Variants in SH3BP5L observed in about 807,000 individuals in gnomAD.
SH3BP5L encodes the protein SH3 domain-binding protein 5-like.
Under a neutral mutation model 40.9 loss-of-function variants are expected in SH3BP5L, and 16 were observed. The observed-to-expected ratio is 0.39, with a 90% CI of 0.27 to 0.59. The LOEUF (loss-of-function observed/expected upper bound fraction) is 0.59, where lower values mean the gene tolerates loss of function less well. SH3BP5L is among the 20% of genes least tolerant of loss of function. The pLI is 0.53. For synonymous variants in SH3BP5L, 229 were observed against 226.7 expected (o/e 1.01, Z -0.09); for missense variants, 471 against 544.6 (o/e 0.86, Z 1.35).
At chr1:248,816,455 C>T in intron 4 of SH3BP5L, 79 bp downstream of exon 4, 1 of 1,584,376 alleles carries the variant, frequency 6.3e-7, no homozygotes, top group Non-Finnish European at 8.6e-7. Flanking sequence ...TGTTTTGTCT[C>T]TCACTCCATA....
rs578097256 is a variant in SH3BP5L, at chr1:248,812,687, C to T, written c.711+302G>A. Among the ~76,000 whole-genome samples, 18 of 152,280 alleles carry T rather than the reference C, an allele frequency of 1.2e-4. No individual in the cohort carries two copies. The highest frequency in any genetic ancestry group is 4.1e-4 in the African/African-American group (17 of 41,558). On this transcript the variant is annotated intron_variant, in intron 6 of 6. Coordinates refer to ENST00000366472, the MANE Select transcript of SH3BP5L (RefSeq NM_030645.3). This position sits in a 1 kb window ranked among gnomAD's most constrained non-coding sequence, Gnocchi z 6.1. ...GCTTCCTCATCCTCTCCCCACTGTT[C>T]CCTTTCACCCAATGGCTGGTTCTTC...
At position 248,824,796 on chromosome 1, in the gene SH3BP5L, T is replaced by A. The variant is rs776590152; in HGVS notation, c.140A>T (p.Lys47Ile). The A allele has an allele frequency of 6.2e-7, 1 of 1,614,106 alleles. No individual in the cohort carries two copies. The highest frequency in any genetic ancestry group is 1.1e-5 in the South Asian group (1 of 91,084). The change falls in exon 2 of 7, where the codon AAA becomes ATA. Residue 47 changes from lysine (K) to isoleucine (I), a missense_variant. Lys to Ile is a moderately radical substitution (Grantham distance 102). Around this residue, in one of 2 missense-constraint regions of SH3BP5L, gnomAD observed 275 missense variants for 370.1 expected, o/e 0.74. Coordinates refer to ENST00000366472, the MANE Select transcript of SH3BP5L (RefSeq NM_030645.3). ...GGGGSSSSEA[K>I]LSPREEEELD... is the part of the protein sequence containing the mutation. Reference sequence around the variant, plus strand: ...TTCTTCCTCCTCTCTTGGGGACAATTTGGCCTCACTGCTGCTGCTTCCACC... The same window carrying A: ...TTCTTCCTCCTCTCTTGGGGACAATATGGCCTCACTGCTGCTGCTTCCACC...
intron 2 of SH3BP5L, among the ~76,000 whole-genome samples, chr1:248,817,883 G>A (rs1219531181): frequency 6.6e-6 from 1 of 152,070 alleles, no homozygotes. Flanking sequence ...AAGAACAAAG[G>A]GCCAAGGAAC....
chr1:248,822,883 C>G (rs905893473), intron 2 of SH3BP5L, among the ~76,000 whole-genome samples: 1 of 152,130 alleles, frequency 6.6e-6, no homozygotes, highest in African/African-American at 2.4e-5. Flanking sequence ...AGGCTGGTCT[C>G]AAACTCCTGA....
intron 1 of SH3BP5L, 93 bp from the exon 2 acceptor site, chr1:248,825,459 ACT>A: frequency 5.9e-6 from 5 of 851,296 alleles, no homozygotes; most frequent in Non-Finnish European, 7.1e-6. Flanking sequence ...CAAAAACTAC[ACT>A]CTCACCACGC....
At chr1:248,816,767 CAGAT>C in intron 3 of SH3BP5L, 51 bp downstream of exon 3, 1 of 1,612,816 alleles carries the variant, frequency 6.2e-7, no homozygotes, top group Non-Finnish European at 8.5e-7. Flanking sequence ...GGGAAAGAGA[CAGAT>C]GGAGATACTT....
chr1:248,819,347 T>C (rs1489413898), intron 2 of SH3BP5L, among the ~76,000 whole-genome samples: 1 of 150,966 alleles, frequency 6.6e-6, no homozygotes, highest in Non-Finnish European at 1.5e-5. Context: ...GAAGAAGAAC[T>C]GTCCTGGGCC....
In SH3BP5L at chr1:248,812,809, A is replaced by G. The variant is rs972293689; in HGVS notation, c.711+180T>C. 1.5e-5 allele frequency among the ~76,000 whole-genome samples: 2 copies of G among 134,546 alleles called. No individual in the cohort carries two copies. Among genetic ancestry groups the G allele is most frequent in the Non-Finnish European group, 3.2e-5 (2 of 61,792 alleles). The allele number at this position is 134,546 out of a possible 152,430, so 88.3% of individuals were successfully genotyped here. On this transcript the variant is annotated intron_variant, in intron 6 of 6. Transcript: ENST00000366472. The surrounding 1 kb of genome is among the most constrained non-coding windows in gnomAD (Gnocchi z 6.1). ...TCACCAGCCCCCATCACCAGCCCCC[A>G]TCCCTGCCTCTCACTCCTGCAAGGT...
At chr1:248,823,646 C>CCACACA (rs58018309) in intron 2 of SH3BP5L, among the ~76,000 whole-genome samples, 90 of 151,774 alleles carry the variant, frequency 5.9e-4, no homozygotes, top group African/African-American at 1.8e-3. Context: ...GAAGAGGAAC[C>CCACACA]CACACACACA....
intron 2 of SH3BP5L, 30 bp from the exon 3 acceptor site, chr1:248,816,914 C>T (rs372353140): frequency 3.1e-6 from 5 of 1,613,824 alleles, no homozygotes; most frequent in Non-Finnish European, 4.2e-6. Flanking sequence ...CAAATTAGTG[C>T]AGTGGAAGGA....
Position 248,816,900 on chromosome 1 carries a change from G to T in SH3BP5L, c.184-16C>A, listed in dbSNP as rs984324956. 5 of 1,614,184 alleles carry T rather than the reference G, an allele frequency of 3.1e-6. No individual in the cohort carries two copies. Among genetic ancestry groups the T allele is most frequent in the Non-Finnish European group, 4.2e-6 (5 of 1,180,014 alleles). On this transcript the variant is annotated splice_polypyrimidine_tract_variant and intron_variant, in intron 2 of 6. Transcript: ENST00000366472. ...CCAACTCCTCCTGCCACAGAGAGGGGTGGCAAATTAGTGCAGTGGAAGGAA... is the reference window on the plus strand; with the variant it reads ...CCAACTCCTCCTGCCACAGAGAGGGTTGGCAAATTAGTGCAGTGGAAGGAA...
Position 248,816,837 on chromosome 1 carries a change from C to T in SH3BP5L, c.231G>A (p.Val77=). 1 of 1,614,208 alleles carries T rather than the reference C, an allele frequency of 6.2e-7. No individual in the cohort carries two copies. Residue 77 remains valine, a synonymous_variant, in exon 3 of 7, where the codon GTG becomes GTA. Coordinates refer to ENST00000366472, the MANE Select transcript of SH3BP5L (RefSeq NM_030645.3). Reference sequence around the variant, plus strand: ...GGACACTCACATCCAGCTGTAGTTCCACCTGGTTGATCTCCTCGCTGGCCT... The same window carrying T: ...GGACACTCACATCCAGCTGTAGTTCTACCTGGTTGATCTCCTCGCTGGCCT... ...LNQASEEINQ[V]ELQLDEARTT... is the part of the protein sequence containing the mutation.
chr1:248,820,066 A>G lies in SH3BP5L; in HGVS notation c.184-3182T>C, dbSNP rs1664216595. ...TACTTTTTTAAACTAAGTCTTCACA[A>G]TCCGTATGCACTTGACTCTTGTGAC... On this transcript the variant is annotated intron_variant, in intron 2 of 6. Transcript: ENST00000366472. Among the ~76,000 whole-genome samples the G allele has an allele frequency of 2.0e-5, 3 of 152,360 alleles. No homozygotes were observed. The South Asian group carries it at 6.2e-4, about 32-fold the overall frequency.
At chr1:248,824,629 C>T (rs1664328882) in intron 2 of SH3BP5L, 124 bp downstream of exon 2, 2 of 1,223,280 alleles carry the variant, frequency 1.6e-6, no homozygotes, top group South Asian at 1.5e-5. Context: ...TGTTGACAAA[C>T]TTGTTCTCCT....
In SH3BP5L at chr1:248,825,160, T is replaced by A; in HGVS notation, c.-225A>T. 1 of 1,308,918 alleles carries A rather than the reference T, an allele frequency of 7.6e-7. No individual in the cohort carries two copies. Among genetic ancestry groups the A allele is most frequent in the South Asian group, 2.1e-5 (1 of 47,242 alleles). 81.1% of individuals were successfully genotyped at this position (1,308,918 alleles called of 1,614,324 possible). A position where few individuals can be genotyped will look rare whatever the true frequency, so the allele number is the denominator to read the frequency against. On this transcript the variant is annotated 5_prime_UTR_variant, in exon 2 of 7. Transcript: ENST00000366472. ...GAAGCCTTGTCTGTGCAAAAGTTCT[T>A]CCCTTCCCGCCACAGGGAGTCCACT... is the stretch of plus-strand genomic sequence containing the variant.
intron 4 of SH3BP5L, 131 bp downstream of exon 4, chr1:248,816,403 G>C: frequency 8.3e-7 from 1 of 1,207,612 alleles, no homozygotes; most frequent in Non-Finnish European, 1.2e-6. Context: ...AGCTGGTTCC[G>C]ACCAGCCAGG....
intron 5 of SH3BP5L, 93 bp from the exon 6 acceptor site, chr1:248,813,255 A>T (rs1664006391): frequency 7.4e-7 from 1 of 1,343,016 alleles, no homozygotes; most frequent in Non-Finnish European, 9.8e-7. Context: ...CCTGGGGGGA[A>T]CCCAAACAGG....
chr1:248,813,262 CA>C, intron 5 of SH3BP5L, 100 bp from the exon 6 acceptor site: 1 of 1,294,710 alleles, frequency 7.7e-7, no homozygotes, highest in Non-Finnish European at 1.0e-6. Context: ...GGAACCCAAA[CA>C]GGAACATCCT....
At position 248,824,869 on chromosome 1, in the gene SH3BP5L, C is replaced by A. The variant is rs756570211; in HGVS notation, c.67G>T (p.Val23Leu). 10 of 1,614,046 alleles carry A rather than the reference C, an allele frequency of 6.2e-6. No individual in the cohort carries two copies. Among genetic ancestry groups the A allele is most frequent in the Non-Finnish European group, 8.5e-6 (10 of 1,180,016 alleles). ...GGGCTCCTAGGGACTTCATCCTCTA[C>A]AACTTCAGGCCGCAGCTCCCCCTGT... is the stretch of plus-strand genomic sequence containing the variant. ...TPQGELRPEV[V>L]EDEVPRSPVA... The change falls in exon 2 of 7, where the codon GTA becomes TTA. Residue 23 changes from valine to leucine, a missense_variant. Physicochemically the swap from Val to Leu is conservative, Grantham distance 32. This residue lies in a region of SH3BP5L where 275 missense variants were observed against 370.1 expected (regional missense o/e 0.74). Coordinates refer to ENST00000366472, the MANE Select transcript of SH3BP5L (RefSeq NM_030645.3).
Sources: allele counts gnomAD v4.1 joint callset (sites outside exome capture counted in the v4.1 genomes callset), GRCh38; gene constraint gnomAD v4.1.1; regional missense constraint gnomAD v4.1.1; non-coding constraint Gnocchi (gnomAD v3.1); transcripts MANE v1.5; gene names NCBI Gene and HGNC (gene_info 2026-07-23, HGNC 2026-07-21).